Variants in MLLT10 observed in about 807,000 individuals in gnomAD.
MLLT10 encodes MLLT10 histone lysine methyltransferase DOT1L cofactor, also known as protein AF-10.
MLLT10 carries 30 observed loss-of-function variants against 129.1 expected under a neutral mutation model. The observed-to-expected ratio is 0.23, with a 90% CI of 0.17 to 0.32. MLLT10 has a LOEUF of 0.32. Among genes scored for constraint, MLLT10 ranks in the 10% least tolerant of loss-of-function variants. The pLI, the probability that MLLT10 is intolerant of heterozygous loss-of-function variation, is 1.00. For missense variants in MLLT10, 1,119 were observed against 1,268.3 expected, an observed-to-expected ratio of 0.88 and a Z score of 1.79; for synonymous variants, 490 against 446.4, an observed-to-expected ratio of 1.10 and a Z score of -1.23.
At chr10:21,717,692 CTCCTCCTCTTCCTCCTCCTCCTCT>C (rs2056774300) in intron 14 of MLLT10, among the ~76,000 whole-genome samples, 6 of 104,888 alleles carry the variant, frequency 5.7e-5, no homozygotes, top group Non-Finnish European at 9.5e-5. Flanking sequence ...CCTCCTCCTC[CTCCTCCTCTTCCTCCTCCTCCTCT>C]TCCTCCTCCT....
At chr10:21,712,597 C>T (rs1020995918) in intron 13 of MLLT10, among the ~76,000 whole-genome samples, 3 of 152,128 alleles carry the variant, frequency 2.0e-5, no homozygotes, top group African/African-American at 7.2e-5. Flanking sequence ...CTCTTTTTCC[C>T]CTCTTGCCCT....
At chr10:21,729,803 A>G (rs1185448005) in intron 16 of MLLT10, among the ~76,000 whole-genome samples, 1 of 152,230 alleles carries the variant, frequency 6.6e-6, no homozygotes, top group African/African-American at 2.4e-5. Context: ...TAAATGTATT[A>G]TGTTAGAATG....
intron 13 of MLLT10, among the ~76,000 whole-genome samples, chr10:21,706,042 C>G (rs1194661577): frequency 6.6e-6 from 1 of 152,204 alleles, no homozygotes; most frequent in Non-Finnish European, 1.5e-5. Flanking sequence ...GCTTCCCTTT[C>G]CTTCCTTGTT....
intron 17 of MLLT10, among the ~76,000 whole-genome samples, chr10:21,732,504 G>A (rs1378586979): frequency 6.6e-5 from 10 of 152,210 alleles, no homozygotes; most frequent in Non-Finnish European, 1.2e-4. Flanking sequence ...GTATTGGTGC[G>A]ATCCTTAACC....
chr10:21,583,910 C>G (rs2041720337), intron 3 of MLLT10, among the ~76,000 whole-genome samples: 1 of 151,902 alleles, frequency 6.6e-6, no homozygotes, highest in South Asian at 2.1e-4. Flanking sequence ...CGCTCTGTCA[C>G]CCAGGCTGGA....
intron 11 of MLLT10, among the ~76,000 whole-genome samples, chr10:21,677,605 T>C (rs1031419407): frequency 6.6e-6 from 1 of 152,208 alleles, no homozygotes; most frequent in Non-Finnish European, 1.5e-5. Context: ...TAGGGAATCA[T>C]GACAGGAAAA....
intron 9 of MLLT10, among the ~76,000 whole-genome samples, chr10:21,657,392 CAAAAAAA>C (rs904471815): frequency 8.0e-5 from 4 of 49,772 alleles, no homozygotes; most frequent in African/African-American, 2.6e-4. Flanking sequence ...GACTCTGTCT[CAAAAAAA>C]AAAAAAAAAA....
chr10:21,555,450 T>C (rs2037782136), intron 3 of MLLT10, among the ~76,000 whole-genome samples: 1 of 152,004 alleles, frequency 6.6e-6, no homozygotes, highest in Non-Finnish European at 1.5e-5. Context: ...CTCAGACTCC[T>C]GACCTCAGGT....
At chr10:21,618,992 C>G (rs907288600) in intron 8 of MLLT10, among the ~76,000 whole-genome samples, 2 of 150,692 alleles carry the variant, frequency 1.3e-5, no homozygotes, top group Admixed American at 6.7e-5. Context: ...TCCCAAAGTG[C>G]TGTGATTACA....
Position 21,713,817 on chromosome 10 carries a change from TATCTGGCTCGGG to T in MLLT10, c.1750_1761del (p.Gly584_Ser587del). 5 of 1,613,964 alleles carry T rather than the reference TATCTGGCTCGGG, an allele frequency of 3.1e-6. No homozygotes were observed. The highest frequency in any genetic ancestry group is 4.2e-6 in the Non-Finnish European group (5 of 1,179,914). Reference sequence around the variant, plus strand: ...GTAGCAGTATCGTTTCCAAATGTAGTATCTGGCTCGGGATCTAGTACTCCTGTCTCCAGCTCT... The same window carrying T: ...GTAGCAGTATCGTTTCCAAATGTAGTATCTAGTACTCCTGTCTCCAGCTCT... On this transcript the variant is annotated inframe_deletion, in exon 14 of 23. Coordinates refer to ENST00000307729, the MANE Select transcript of MLLT10 (RefSeq NM_001195626.3).
At chr10:21,713,201 A>G (rs1460916248) in intron 13 of MLLT10, among the ~76,000 whole-genome samples, 1 of 152,134 alleles carries the variant, frequency 6.6e-6, no homozygotes, top group South Asian at 2.1e-4. Flanking sequence ...TGTCTGTGTT[A>G]TCGCTGGAAT....
Position 21,670,093 on chromosome 10 carries a change from A to G in MLLT10, c.796-356A>G, listed in dbSNP as rs938218205. 2.0e-5 allele frequency among the ~76,000 whole-genome samples: 3 copies of G among 151,962 alleles called. 1 individual carries two copies. Among genetic ancestry groups the G allele is most frequent in the African/African-American group, 7.3e-5 (3 of 41,290 alleles). ...TAAAGCTTATTTTAATTTCATGTCTAGGAAGTGTAGACATTGTTAAAAAAA... is the reference window on the plus strand; with the variant it reads ...TAAAGCTTATTTTAATTTCATGTCTGGGAAGTGTAGACATTGTTAAAAAAA... On this transcript the variant is annotated intron_variant, in intron 9 of 22. Coordinates refer to ENST00000307729, the MANE Select transcript of MLLT10 (RefSeq NM_001195626.3).
At chr10:21,586,184 T>G (rs1207693494) in intron 3 of MLLT10, 110 bp from the exon 4 acceptor site, 1 of 831,404 alleles carries the variant, frequency 1.2e-6, no homozygotes, top group Non-Finnish European at 2.0e-6. Flanking sequence ...GGGGGGCAAC[T>G]AGGACAAATG....
chr10:21,636,196 C>CTGCA (rs1208101188), intron 8 of MLLT10, among the ~76,000 whole-genome samples: 3 of 152,142 alleles, frequency 2.0e-5, no homozygotes, highest in African/African-American at 4.8e-5. Flanking sequence ...TCATGGCTCA[C>CTGCA]TGCAGCCTCA....
chr10:21,590,802 T>C (rs2042421804), intron 4 of MLLT10, among the ~76,000 whole-genome samples: 2 of 152,192 alleles, frequency 1.3e-5, no homozygotes, highest in Admixed American at 1.3e-4. Flanking sequence ...TTGACCTTTT[T>C]AAAGAAAGTT....
intron 14 of MLLT10, among the ~76,000 whole-genome samples, chr10:21,725,972 C>T (rs1304161622): frequency 4.6e-5 from 7 of 151,992 alleles, no homozygotes; most frequent in African/African-American, 1.2e-4. Context: ...AGGATGGTCT[C>T]GATCTCCTGA....
At chr10:21,732,811 C>A in intron 17 of MLLT10, 88 bp from the exon 18 acceptor site, 12 of 1,052,964 alleles carry the variant, frequency 1.1e-5, no homozygotes, top group Non-Finnish European at 1.5e-5. Flanking sequence ...TCTATTTTAA[C>A]TTATTTCTAA....
intron 9 of MLLT10, among the ~76,000 whole-genome samples, chr10:21,669,721 A>G (rs1178509611): frequency 6.6e-6 from 1 of 152,186 alleles, no homozygotes. Context: ...TTTATTCACC[A>G]TTATTTGGGT....
intron 5 of MLLT10, among the ~76,000 whole-genome samples, chr10:21,601,320 G>A (rs148732582): frequency 1.1e-3 from 168 of 152,172 alleles, no homozygotes; most frequent in African/African-American, 3.4e-3. Context: ...AGACTCAAAG[G>A]CCTATTTATT....
Sources: gnomAD v4.1 joint callset for allele counts (sites outside exome capture counted in the v4.1 genomes callset) on GRCh38, gnomAD v4.1.1 for gene constraint, MANE v1.5 for transcripts, NCBI Gene and HGNC (gene_info 2026-07-23, HGNC 2026-07-21) for gene names.